PCSK9: variants seen among roughly 807,000 people sequenced by gnomAD.
The protein encoded by PCSK9 is convertase subtilisin/kexin type 9 preproprotein.
A neutral mutation model predicts 62.1 loss-of-function variants in PCSK9; 57 were observed. The observed-to-expected ratio is 0.92, with a 90% CI of 0.74 to 1.14. PCSK9 has a LOEUF of 1.14. PCSK9 is among the 50% of genes most tolerant of loss of function. PCSK9 has a pLI of 0.00. For missense variants in PCSK9, 870 were observed against 959.8 expected (o/e 0.91, Z 1.24); for synonymous variants, 387 against 409.4 (o/e 0.95, Z 0.66).
rs1644777670 is a variant in PCSK9 at position 55,063,442 on chromosome 1, G to A, written c.1937G>A (p.Gly646Glu). The change falls in exon 12 of 12, where the codon GGG becomes GAG. Residue 646 changes from glycine (G) to glutamate (E), a missense_variant. By Grantham distance (98) the Gly-to-Glu change is moderately conservative. Transcript: ENST00000302118. ...CTCCCTGGGACCTCCCACGTCCTGGGGGCCTACGCCGTAGACAACACGTGT... is the reference window on the plus strand; with the variant it reads ...CTCCCTGGGACCTCCCACGTCCTGGAGGCCTACGCCGTAGACAACACGTGT... ...SALPGTSHVL[G>E]AYAVDNTCVV... 1 of 1,613,956 alleles carries A rather than the reference G, an allele frequency of 6.2e-7. No homozygotes were observed. Among genetic ancestry groups the A allele is most frequent in the Non-Finnish European group, 8.5e-7 (1 of 1,179,996 alleles).
At chr1:55,050,222 C>T (rs913496211) in intron 3 of PCSK9, among the ~76,000 whole-genome samples, 7 of 152,248 alleles carry the variant, frequency 4.6e-5, no homozygotes, top group African/African-American at 1.7e-4. Flanking sequence ...CAGCCCGGGG[C>T]CTCTGCTAGG....
rs372840049 is a variant in PCSK9 at position 55,042,511 on chromosome 1, C to T, written c.208-1332C>T. ...CCAAACAAGTTCTGAGGTTCAAAAC[C>T]GTTTTGGCCCTAAGGCTTTGGGTAA... On this transcript the variant is annotated intron_variant, in intron 1 of 11. Coordinates refer to ENST00000302118, the MANE Select transcript of PCSK9 (RefSeq NM_174936.4). 2.6e-5 allele frequency among the ~76,000 whole-genome samples: 4 copies of T among 152,232 alleles called. 1 individual carries two copies. The highest frequency in any genetic ancestry group is 7.2e-5 in the African/African-American group (3 of 41,526).
chr1:55,052,767 G>A lies in PCSK9; in HGVS notation c.775G>A (p.Gly259Ser), dbSNP rs1462085652. 1.9e-6 allele frequency: 3 copies of A among 1,613,032 alleles called. No homozygotes were observed. Among genetic ancestry groups the A allele is most frequent in the African/African-American group, 2.7e-5 (2 of 74,946 alleles). The stretch of plus-strand genomic sequence containing the variant: ...GCGCGTGCTCAACTGCCAAGGGAAG[G>A]GCACGGTTAGCGGCACCCTCATAGG... ...SLRVLNCQGKGTVSGTLIGLE... is the reference protein window; with the variant it reads ...SLRVLNCQGKSTVSGTLIGLE... Residue 259 changes from glycine (G) to serine (S), a missense_variant, in exon 5 of 12, where the codon GGC becomes AGC. By Grantham distance (56) the Gly-to-Ser change is moderately conservative. Transcript: ENST00000302118.
chr1:55,046,970 AG>A, intron 3 of PCSK9, among the ~76,000 whole-genome samples: 1 of 152,042 alleles, frequency 6.6e-6, no homozygotes, highest in South Asian at 2.1e-4. Flanking sequence ...GACTCTACCT[AG>A]GGCCCCCAGG....
At chr1:55,045,194 G>T (rs1415812579) in intron 2 of PCSK9, among the ~76,000 whole-genome samples, 1 of 152,062 alleles carries the variant, frequency 6.6e-6, no homozygotes, top group Non-Finnish European at 1.5e-5. Context: ...ACAGGCCAGG[G>T]CAGCTGCTCA....
At chr1:55,053,501 G>C (rs499883) in intron 5 of PCSK9, among the ~76,000 whole-genome samples, 1 of 151,950 alleles carries the variant, frequency 6.6e-6, no homozygotes, top group African/African-American at 2.4e-5. Context: ...TGCCAGGGTC[G>C]CACAGCTCAA....
chr1:55,045,012 G>C (rs1644623709), intron 2 of PCSK9, among the ~76,000 whole-genome samples: 1 of 152,226 alleles, frequency 6.6e-6, no homozygotes, highest in Admixed American at 6.5e-5. Flanking sequence ...AGTGCCTACT[G>C]TGTGCTGCAG....
chr1:55,063,752 T>G lies in PCSK9; in HGVS notation c.*168T>G. ...CTGGCCCTTGAGTGGGGCAGCCTCC[T>G]TGCCTGGAACTCACTCACTCTGGGT... On this transcript the variant is annotated 3_prime_UTR_variant, in exon 12 of 12. Coordinates refer to ENST00000302118, the MANE Select transcript of PCSK9 (RefSeq NM_174936.4). 1.2e-6 allele frequency: 1 copy of G among 803,060 alleles called. No individual in the cohort carries two copies. Among genetic ancestry groups the G allele is most frequent in the Non-Finnish European group, 1.9e-6 (1 of 522,260 alleles). The allele number at this position is 803,060 out of a possible 1,614,324, so 49.7% of individuals were successfully genotyped here.
At position 55,063,764 on chromosome 1, in the gene PCSK9, C is replaced by T. The variant is rs1644781182; in HGVS notation, c.*180C>T. ...TGGGGCAGCCTCCTTGCCTGGAACT[C>T]ACTCACTCTGGGTGCCTCCTCCCCA... On this transcript the variant is annotated 3_prime_UTR_variant, in exon 12 of 12. Coordinates refer to ENST00000302118, the MANE Select transcript of PCSK9 (RefSeq NM_174936.4). 2.8e-6 allele frequency: 2 copies of T among 722,816 alleles called. No homozygotes were observed. The highest frequency in any genetic ancestry group is 1.8e-5 in the African/African-American group (1 of 56,150). The allele number at this position is 722,816 out of a possible 1,614,324, so 44.8% of individuals were successfully genotyped here.
At chr1:55,062,621 G>A (rs1323050954) in intron 11 of PCSK9, among the ~76,000 whole-genome samples, 1 of 152,186 alleles carries the variant, frequency 6.6e-6, no homozygotes, top group African/African-American at 2.4e-5. Flanking sequence ...CAGGCCATGA[G>A]GCAGAGAACA....
At chr1:55,050,256 GC>G (rs1644663462) in intron 3 of PCSK9, among the ~76,000 whole-genome samples, 1 of 152,198 alleles carries the variant, frequency 6.6e-6, no homozygotes, top group African/African-American at 2.4e-5. Flanking sequence ...TGGCTTATGG[GC>G]CTGGCACCAT....
In PCSK9 at chr1:55,039,834, C is replaced by A. The variant is rs1357021576; in HGVS notation, c.-4C>A. On this transcript the variant is annotated 5_prime_UTR_variant, in exon 1 of 12. Coordinates refer to ENST00000302118, the MANE Select transcript of PCSK9 (RefSeq NM_174936.4). ...CCAGGACAGCAACCTCTCCCCTGGC[C>A]CTCATGGGCACCGTCAGCTCCAGGC... 6.4e-7 allele frequency: 1 copy of A among 1,567,040 alleles called. No individual in the cohort carries two copies. The highest frequency in any genetic ancestry group is 1.9e-5 in the Admixed American group (1 of 52,410).
At chr1:55,061,808 G>C (rs28362279) in intron 11 of PCSK9, among the ~76,000 whole-genome samples, 2 of 152,218 alleles carry the variant, frequency 1.3e-5, no homozygotes, top group African/African-American at 4.8e-5. Context: ...GGAGTAGAAT[G>C]TGCATAAATA....
In PCSK9 at chr1:55,063,559, C is replaced by G; in HGVS notation, c.2054C>G (p.Ala685Gly). The G allele has an allele frequency of 1.2e-6, 2 of 1,612,536 alleles. No individual in the cohort carries two copies. Among genetic ancestry groups the G allele is most frequent in the Non-Finnish European group, 1.7e-6 (2 of 1,179,864 alleles). Residue 685 changes from alanine (A) to glycine (G), a missense_variant, in exon 12 of 12, where the codon GCG becomes GGG. Physicochemically the swap from Ala to Gly is moderately conservative, Grantham distance 60. Transcript: ENST00000302118. Reference sequence around the variant, plus strand: ...ATCTGCTGCCGGAGCCGGCACCTGGCGCAGGCCTCCCAGGAGCTCCAGTGA... The same window carrying G: ...ATCTGCTGCCGGAGCCGGCACCTGGGGCAGGCCTCCCAGGAGCTCCAGTGA... ...VAICCRSRHL[A>G]QASQELQ
At chr1:55,052,045 C>A (rs1023009962) in intron 3 of PCSK9, 5 of 594,316 alleles carry the variant, frequency 8.4e-6, no homozygotes, top group African/African-American at 7.4e-5. Flanking sequence ...AGTAGCATTG[C>A]CAGCTGATGG....
chr1:55,048,274 T>C (rs1020429551), intron 3 of PCSK9, among the ~76,000 whole-genome samples: 2 of 152,186 alleles, frequency 1.3e-5, no homozygotes, highest in Non-Finnish European at 2.9e-5. Flanking sequence ...ACACTTGTCA[T>C]TGGATTTAGG....
rs1644613808 is a variant in PCSK9 at position 55,043,771 on chromosome 1, G to A, written c.208-72G>A. On this transcript the variant is annotated intron_variant, in intron 1 of 11. Coordinates refer to ENST00000302118, the MANE Select transcript of PCSK9 (RefSeq NM_174936.4). ...TCTTTTGTTGTAATTTGTAAGTAGG[G>A]GTGAGATAAAGTACACCTAGGGTTT... is the stretch of plus-strand genomic sequence containing the variant. 3 of 1,509,754 alleles carry A rather than the reference G, an allele frequency of 2.0e-6. No individual in the cohort carries two copies. The East Asian group carries it at 6.9e-5, about 35-fold the overall frequency. 93.5% of individuals were successfully genotyped at this position (1,509,754 alleles called of 1,614,324 possible).
chr1:55,052,364 G>A lies in PCSK9; in HGVS notation c.610G>A (p.Asp204Asn), dbSNP rs793888521. ...REIEGRVMVT[D>N]FENVPEEDGT... Reference sequence around the variant, plus strand: ...AATCGAGGGCAGGGTCATGGTCACCGACTTCGAGAATGTGCCCGAGGAGGA... The same window carrying A: ...AATCGAGGGCAGGGTCATGGTCACCAACTTCGAGAATGTGCCCGAGGAGGA... The change falls in exon 4 of 12, where the codon GAC becomes AAC. Residue 204 changes from aspartate (D) to asparagine (N), a missense_variant. By Grantham distance (23) the Asp-to-Asn change is conservative. Transcript: ENST00000302118. 1.2e-5 allele frequency: 19 copies of A among 1,613,802 alleles called. No individual in the cohort carries two copies. The highest frequency in any genetic ancestry group is 8.0e-5 in the African/African-American group (6 of 74,864).
chr1:55,051,791 T>G, intron 3 of PCSK9: 1 of 262,108 alleles, frequency 3.8e-6, no homozygotes, highest in Non-Finnish European at 7.4e-6. Context: ...GGCCCAGACA[T>G]ACATCCTGTC....
Sources: gnomAD v4.1 joint callset for allele counts (sites outside exome capture counted in the v4.1 genomes callset) on GRCh38, gnomAD v4.1.1 for gene constraint, MANE v1.5 for transcripts, NCBI Gene and HGNC (gene_info 2026-07-23, HGNC 2026-07-21) for gene names.